The following PCSK2 variants were observed in gnomAD, a reference collection of about 807,000 sequenced individuals.
PCSK2 encodes proprotein convertase subtilisin/kexin type 2, also known as neuroendocrine convertase 2.
A neutral mutation model predicts 69.7 loss-of-function variants in PCSK2; 14 were observed. That is an observed-to-expected ratio of 0.20 (90% CI 0.13 to 0.31). The LOEUF (loss-of-function observed/expected upper bound fraction) is 0.31. Ranked by LOEUF, PCSK2 falls within the 10% of genes least tolerant of loss-of-function variation. The probability of loss-of-function intolerance (pLI) is 1.00; values close to 1 mark genes in which losing one functional copy is unlikely to be tolerated. For missense variants in PCSK2, 544 were observed against 842.5 expected (o/e 0.65, Z 4.39); for synonymous variants, 307 against 320.7 (o/e 0.96, Z 0.46).
intron 5 of PCSK2, among the ~76,000 whole-genome samples, chr20:17,384,858 G>T (rs142930269): frequency 1.1e-4 from 17 of 152,208 alleles, no homozygotes; most frequent in Middle Eastern, 3.4e-3. Context: ...TTGAGCCTAA[G>T]TCGAAGCTAC....
At chr20:17,277,123 T>C (rs1490451962) in intron 2 of PCSK2, among the ~76,000 whole-genome samples, 24 of 152,010 alleles carry the variant, frequency 1.6e-4, no homozygotes, top group Middle Eastern at 3.4e-3. Context: ...GAATCAATAT[T>C]GTGAAAATGG....
intron 2 of PCSK2, among the ~76,000 whole-genome samples, chr20:17,341,879 T>C (rs1209185789): frequency 1.3e-5 from 2 of 152,232 alleles, no homozygotes; most frequent in African/African-American, 4.8e-5. Context: ...ATGAACATGC[T>C]CCAGGGCCAC....
chr20:17,482,298 G>T lies in PCSK2; in HGVS notation c.*228G>T. ...CCAACAACATCCATGTCCTATGTGT[G>T]ACTCTAAATTCTTTATTTCTGTCAT... On this transcript the variant is annotated 3_prime_UTR_variant, in exon 12 of 12. Coordinates refer to ENST00000262545, the MANE Select transcript of PCSK2 (RefSeq NM_002594.5). 1 of 180,576 alleles carries T rather than the reference G, an allele frequency of 5.5e-6. No individual in the cohort carries two copies. Among genetic ancestry groups the T allele is most frequent in the Non-Finnish European group, 1.1e-5 (1 of 93,200 alleles). 11.2% of individuals were successfully genotyped at this position (180,576 alleles called of 1,614,324 possible).
At chr20:17,474,199 T>C (rs547208781) in intron 11 of PCSK2, among the ~76,000 whole-genome samples, 2 of 152,284 alleles carry the variant, frequency 1.3e-5, no homozygotes, top group African/African-American at 2.4e-5. Context: ...GTCTTCTGCC[T>C]GTGTCTCTGA....
At chr20:17,319,115 A>T (rs1225372377) in intron 2 of PCSK2, among the ~76,000 whole-genome samples, 1 of 152,236 alleles carries the variant, frequency 6.6e-6, no homozygotes, top group Non-Finnish European at 1.5e-5. Context: ...ATTTCTGATT[A>T]TTAAAATGAC....
intron 2 of PCSK2, among the ~76,000 whole-genome samples, chr20:17,267,289 AACAT>A (rs760885969): frequency 2.0e-5 from 3 of 152,230 alleles, no homozygotes; most frequent in Non-Finnish European, 2.9e-5. Flanking sequence ...TTTTCTAGAT[AACAT>A]GCCAAGAGGT....
At chr20:17,340,521 A>C (rs1023723074) in intron 2 of PCSK2, among the ~76,000 whole-genome samples, 4 of 152,078 alleles carry the variant, frequency 2.6e-5, no homozygotes, top group African/African-American at 9.7e-5. Context: ...TCTTCAATTT[A>C]CCTTTTGTTC....
intron 5 of PCSK2, among the ~76,000 whole-genome samples, chr20:17,391,722 C>G (rs1482075882): frequency 1.3e-5 from 2 of 151,940 alleles, no homozygotes; most frequent in East Asian, 3.9e-4. Context: ...TAAACATTAG[C>G]TATGTATGGT....
At chr20:17,421,806 G>GAAAAAAA (rs1568642567) in intron 6 of PCSK2, among the ~76,000 whole-genome samples, 1 of 23,536 alleles carries the variant, frequency 4.2e-5, no homozygotes. Flanking sequence ...AGGAAGAGAG[G>GAAAAAAA]TAAAAAAAAA....
intron 2 of PCSK2, among the ~76,000 whole-genome samples, chr20:17,303,118 T>G (rs1206182389): frequency 6.7e-6 from 1 of 149,230 alleles, no homozygotes; most frequent in Non-Finnish European, 1.5e-5. Flanking sequence ...TTTTCCTATA[T>G]TGTTCAATCT....
intron 2 of PCSK2, among the ~76,000 whole-genome samples, chr20:17,262,851 C>T (rs903775526): frequency 6.6e-6 from 1 of 152,206 alleles, no homozygotes; most frequent in African/African-American, 2.4e-5. Context: ...GCTTTATAAA[C>T]ACAGAATTTA....
chr20:17,253,554 T>A (rs1379794384), intron 1 of PCSK2, among the ~76,000 whole-genome samples: 1 of 152,248 alleles, frequency 6.6e-6, no homozygotes, highest in Non-Finnish European at 1.5e-5. Context: ...TTCCTTTCCA[T>A]TTAGAAATAA....
chr20:17,392,923 T>C (rs1381001566), intron 5 of PCSK2, among the ~76,000 whole-genome samples: 1 of 152,182 alleles, frequency 6.6e-6, no homozygotes, highest in African/African-American at 2.4e-5. Context: ...ATGTCCTCTG[T>C]CTTGGGATTG....
intron 6 of PCSK2, among the ~76,000 whole-genome samples, chr20:17,416,305 CAA>C (rs1255933118): frequency 1.3e-5 from 2 of 152,162 alleles, no homozygotes; most frequent in African/African-American, 4.8e-5. Flanking sequence ...CCAGAATCTA[CAA>C]AGAACTTAAA....
intron 2 of PCSK2, among the ~76,000 whole-genome samples, chr20:17,290,884 T>C (rs1033044790): frequency 1.3e-5 from 2 of 152,046 alleles, no homozygotes; most frequent in African/African-American, 4.8e-5. Flanking sequence ...GCATGTGAGA[T>C]AGCGAGAGGA....
intron 1 of PCSK2, among the ~76,000 whole-genome samples, chr20:17,257,924 T>C (rs1449302259): frequency 6.6e-6 from 1 of 152,214 alleles, no homozygotes; most frequent in Non-Finnish European, 1.5e-5. Flanking sequence ...AGCCTTTTAT[T>C]TGCCCCAGTT....
intron 1 of PCSK2, among the ~76,000 whole-genome samples, chr20:17,246,752 T>C (rs1217528426): frequency 2.0e-5 from 3 of 151,986 alleles, no homozygotes; most frequent in Non-Finnish European, 4.4e-5. Flanking sequence ...TATCCCATCC[T>C]TGCCTGGGAG....
intron 8 of PCSK2, among the ~76,000 whole-genome samples, chr20:17,446,489 C>A (rs1293559704): frequency 6.6e-6 from 1 of 152,164 alleles, no homozygotes; most frequent in African/African-American, 2.4e-5. Flanking sequence ...TAAGACCTCA[C>A]CCAACCACAA....
intron 1 of PCSK2, among the ~76,000 whole-genome samples, chr20:17,243,978 A>T (rs1381822254): frequency 6.6e-6 from 1 of 152,112 alleles, no homozygotes; most frequent in Non-Finnish European, 1.5e-5. Context: ...TCCATAAAGG[A>T]TGCTATTAAG....
Sources: gnomAD v4.1 joint callset for allele counts (sites outside exome capture counted in the v4.1 genomes callset) on GRCh38, gnomAD v4.1.1 for gene constraint, MANE v1.5 for transcripts, NCBI Gene and HGNC (gene_info 2026-07-23, HGNC 2026-07-21) for gene names.